Variants in COL4A6 observed in about 807,000 individuals in gnomAD.
COL4A6 encodes collagen type IV alpha 6 chain.
COL4A6 carries 59 observed loss-of-function variants against 126.7 expected under a neutral mutation model. The observed-to-expected ratio is 0.47, with a 90% CI of 0.38 to 0.58. The LOEUF is 0.58. Among genes scored for constraint, COL4A6 ranks in the 20% least tolerant of loss-of-function variants. The pLI is 0.00. For synonymous variants in COL4A6, 547 were observed against 496.6 expected, an observed-to-expected ratio of 1.10 and a Z score of -1.35; for missense variants, 1,285 against 1,337.3, an observed-to-expected ratio of 0.96 and a Z score of 0.61.
At chrX:108,170,967 G>T in intron 33 of COL4A6, 50 bp from the exon 34 acceptor site, 1 of 1,038,835 alleles carries the variant, frequency 9.6e-7, no homozygotes, top group Non-Finnish European at 1.4e-6. Context: ...TTCTAGCAGT[G>T]TATTCCTCTA....
At chrX:108,256,263 AAAT>A (rs2037002919) in intron 3 of COL4A6, among the ~76,000 whole-genome samples, 1 of 112,418 alleles carries the variant, frequency 8.9e-6, no homozygotes, top group African/African-American at 3.2e-5. Flanking sequence ...TTAAAATAAT[AAAT>A]ACTACATATA....
chrX:108,179,785 C>T (rs2034627030), intron 25 of COL4A6, among the ~76,000 whole-genome samples: 1 of 107,417 alleles, frequency 9.3e-6, no homozygotes, highest in Admixed American at 1.0e-4. Flanking sequence ...GTCATGCCTC[C>T]TTCTTCTTGG....
In COL4A6 at chrX:108,211,726, C is replaced by T. The variant is rs752639069; in HGVS notation, c.456G>A (p.Gln152=). 128 of 1,209,619 alleles carry T rather than the reference C, an allele frequency of 1.1e-4. No homozygotes were observed. Among genetic ancestry groups the T allele is most frequent in the Non-Finnish European group, 1.3e-4 (116 of 894,365 alleles). ...GLLGPPGLPG[Q]KGSKGDPVLA... is the part of the protein sequence containing the mutation. Reference sequence around the variant, plus strand: ...GGACAGGGTCACCTTTTGATCCTTTCTGACCAGGAAGCCCCTGAGTAAAAT... The same window carrying T: ...GGACAGGGTCACCTTTTGATCCTTTTTGACCAGGAAGCCCCTGAGTAAAAT... The change falls in exon 7 of 45, where the codon CAG becomes CAA. Residue 152 remains glutamine, a synonymous_variant. Transcript: ENST00000334504.
At chrX:108,389,011 G>A (rs1267409929) in intron 2 of COL4A6, among the ~76,000 whole-genome samples, 1 of 111,798 alleles carries the variant, frequency 8.9e-6, no homozygotes, top group Non-Finnish European at 1.9e-5. Context: ...CAGTTTCCAG[G>A]TAATTGTGTG....
At chrX:108,360,534 CTTT>C (rs5903322) in intron 2 of COL4A6, among the ~76,000 whole-genome samples, 4 of 84,297 alleles carry the variant, frequency 4.7e-5, no homozygotes, top group Admixed American at 2.9e-4. Context: ...ACACTTTAAC[CTTT>C]TTTTTTTTTT....
At chrX:108,343,237 C>T (rs1012866909) in intron 2 of COL4A6, among the ~76,000 whole-genome samples, 3 of 91,970 alleles carry the variant, frequency 3.3e-5, no homozygotes, top group African/African-American at 4.2e-5. Flanking sequence ...ACATGGTGCC[C>T]ATAAGTGACT....
intron 14 of COL4A6, among the ~76,000 whole-genome samples, chrX:108,195,399 G>A (rs1172152478): frequency 9.0e-6 from 1 of 110,965 alleles, no homozygotes; most frequent in Non-Finnish European, 1.9e-5. Flanking sequence ...AGCCCCCCAA[G>A]TAGCTGGGGC....
intron 2 of COL4A6, among the ~76,000 whole-genome samples, chrX:108,346,140 C>T (rs2039701298): frequency 9.0e-6 from 1 of 111,511 alleles, no homozygotes; most frequent in African/African-American, 3.3e-5. Flanking sequence ...CACCTGGAGC[C>T]ATGTGGATAC....
At chrX:108,334,395 T>C (rs545209526) in intron 2 of COL4A6, among the ~76,000 whole-genome samples, 46 of 111,951 alleles carry the variant, frequency 4.1e-4, no homozygotes, top group Middle Eastern at 4.7e-3. Flanking sequence ...CACCAGGTCA[T>C]TAGTTCATTT....
intron 2 of COL4A6, among the ~76,000 whole-genome samples, chrX:108,316,931 A>T (rs1810116974): frequency 8.9e-6 from 1 of 111,985 alleles, no homozygotes; most frequent in Non-Finnish European, 1.9e-5. Flanking sequence ...TCATAGACCA[A>T]TGTAAGAGCT....
chrX:108,432,056 C>T (rs888445006), intron 2 of COL4A6, among the ~76,000 whole-genome samples: 28 of 112,499 alleles, frequency 2.5e-4, no homozygotes, highest in Non-Finnish European at 4.1e-4. Context: ...ACTGCATATA[C>T]GGTGGTCACC....
chrX:108,354,179 G>T (rs986922118), intron 2 of COL4A6, among the ~76,000 whole-genome samples: 1 of 111,012 alleles, frequency 9.0e-6, no homozygotes, highest in African/African-American at 3.3e-5. Context: ...AATAAGTGAC[G>T]CTATGAGAAG....
intron 3 of COL4A6, among the ~76,000 whole-genome samples, chrX:108,292,993 C>CAAAAAA (rs149076547): frequency 4.1e-4 from 6 of 14,555 alleles, no homozygotes; most frequent in African/African-American, 6.6e-4. Flanking sequence ...AGGAAAAAAG[C>CAAAAAA]AAAAAAAAAA....
Position 108,178,785 on chromosome X carries a change from G to C in COL4A6, c.2414C>G (p.Pro805Arg). 8.3e-7 allele frequency: 1 copy of C among 1,211,583 alleles called. No homozygotes were observed. Among genetic ancestry groups the C allele is most frequent in the South Asian group, 1.8e-5 (1 of 56,957 alleles). The change falls in exon 27 of 45, where the codon CCA becomes CGA. Residue 805 changes from proline (P) to arginine (R), a missense_variant. Transcript: ENST00000334504. ...PKGERGSPGT[P>R]GQVGQPGTPG... ...GGTGCCTGGCTGTCCCACCTGTCCTGGTGTCCCAGGGCTGCCCCGCTCACC... is the reference window on the plus strand; with the variant it reads ...GGTGCCTGGCTGTCCCACCTGTCCTCGTGTCCCAGGGCTGCCCCGCTCACC...
At chrX:108,312,884 G>C (rs1193978341) in intron 2 of COL4A6, among the ~76,000 whole-genome samples, 1 of 110,120 alleles carries the variant, frequency 9.1e-6, no homozygotes, top group East Asian at 2.8e-4. Context: ...GACCCCTCAA[G>C]CATGGAGCAA....
intron 3 of COL4A6, among the ~76,000 whole-genome samples, chrX:108,242,248 A>T (rs1363421683): frequency 1.8e-5 from 2 of 111,853 alleles, no homozygotes; most frequent in Non-Finnish European, 3.8e-5. Flanking sequence ...AATACCTAAC[A>T]TAAAATTGGT....
Position 108,175,159 on chromosome X carries a change from T to C in COL4A6, c.2887A>G (p.Asn963Asp). The change falls in exon 30 of 45, where the codon AAC becomes GAC. Residue 963 changes from asparagine to aspartate, a missense_variant. Transcript: ENST00000334504. ...CCTTTGTCTCCTTTGAGCCAAAGGT[T>C]TGACATTGGACGTCTTGGACTAGGT... is the stretch of plus-strand genomic sequence containing the variant. ...GIPSPRRPMS[N>D]LWLKGDKGSQ... 1 of 1,203,692 alleles carries C rather than the reference T, an allele frequency of 8.3e-7. No homozygotes were observed. The highest frequency in any genetic ancestry group is 1.1e-6 in the Non-Finnish European group (1 of 891,613).
At chrX:108,263,675 A>T (rs1277763483) in intron 3 of COL4A6, among the ~76,000 whole-genome samples, 1 of 112,239 alleles carries the variant, frequency 8.9e-6, no homozygotes, top group East Asian at 2.8e-4. Flanking sequence ...AACTGTGCAC[A>T]GCAGTGGCTC....
chrX:108,157,037 C>T lies in COL4A6; in HGVS notation c.5036G>A (p.Arg1679Gln), dbSNP rs773301536. Residue 1679 changes from arginine to glutamine, a missense_variant, in exon 45 of 45, where the codon CGA becomes CAA. Arg to Gln is a conservative substitution (Grantham distance 43). Transcript: ENST00000334504. ...ETLKAGQLHT[R>Q]VSRCQVCMKS... The stretch of plus-strand genomic sequence containing the variant: ...CATACACACCTGGCAGCGACTGACT[C>T]GAGTGTGGAGCTGCCCAGCTTTCAG... The T allele has an allele frequency of 5.0e-6, 6 of 1,211,712 alleles. No homozygotes were observed. Among genetic ancestry groups the T allele is most frequent in the Non-Finnish European group, 6.7e-6 (6 of 895,490 alleles).
Sources: gnomAD v4.1 joint callset for allele counts (sites outside exome capture counted in the v4.1 genomes callset) on GRCh38, gnomAD v4.1.1 for gene constraint, MANE v1.5 for transcripts, NCBI Gene and HGNC (gene_info 2026-07-23, HGNC 2026-07-21) for gene names.